Variants in FAH observed in about 807,000 individuals in gnomAD.
FAH encodes fumarylacetoacetate hydrolase.
A neutral mutation model predicts 55.8 loss-of-function variants in FAH; 47 were observed. The observed-to-expected ratio is 0.84, with a 90% CI of 0.67 to 1.07. The LOEUF is 1.07. Ranked by LOEUF, FAH falls within the 50% of genes least tolerant of loss-of-function variation. The pLI, the probability that FAH is intolerant of heterozygous loss-of-function variation, is 0.00. For synonymous variants in FAH, 199 were observed against 207.7 expected (o/e 0.96, Z 0.36); for missense variants, 495 against 545.9 (o/e 0.91, Z 0.93).
chr15:80,168,792 G>C (rs1384891046), intron 7 of FAH, among the ~76,000 whole-genome samples: 2 of 152,118 alleles, frequency 1.3e-5, no homozygotes, highest in Non-Finnish European at 2.9e-5. Flanking sequence ...CTAAAGTGCC[G>C]TCTAGTGTCC....
chr15:80,163,527 T>C (rs959952023), intron 5 of FAH: 3 of 152,010 alleles, frequency 2.0e-5, no homozygotes, highest in Non-Finnish European at 4.4e-5. Context: ...TGAAACCGAG[T>C]GTGGGGGCCG....
In FAH at chr15:80,168,137, A is replaced by C; in HGVS notation, c.541A>C (p.Lys181Gln). 1.2e-6 allele frequency: 2 copies of C among 1,613,988 alleles called. No homozygotes were observed. Among genetic ancestry groups the C allele is most frequent in the Non-Finnish European group, 1.7e-6 (2 of 1,179,972 alleles). ...AATCCGAAGGCCCATGGGACAGATG[A>C]AACCTGATGACTGTGAGTGACCGCA... is the stretch of plus-strand genomic sequence containing the variant. ...TPIRRPMGQM[K>Q]PDDSKPPVYG... Residue 181 changes from lysine (K) to glutamine (Q), a missense_variant, in exon 6 of 14, where the codon AAA (lysine) becomes CAA (glutamine). Transcript: ENST00000561421.
At chr15:80,179,660 T>C (rs2041313089) in intron 11 of FAH, among the ~76,000 whole-genome samples, 1 of 152,088 alleles carries the variant, frequency 6.6e-6, no homozygotes. Context: ...CCAGTGTCCA[T>C]CCCAAGGCCC....
At chr15:80,165,038 G>A (rs1050743224) in intron 5 of FAH, among the ~76,000 whole-genome samples, 7 of 152,064 alleles carry the variant, frequency 4.6e-5, no homozygotes, top group Admixed American at 2.6e-4. Flanking sequence ...AAGTTTTTTG[G>A]GGTAGGTAAT....
In FAH at chr15:80,162,347, G is replaced by T; in HGVS notation, c.455+11G>T. 1 of 1,604,466 alleles carries T rather than the reference G, an allele frequency of 6.2e-7. No individual in the cohort carries two copies. Among genetic ancestry groups the T allele is most frequent in the South Asian group, 1.1e-5 (1 of 90,900 alleles). On this transcript the variant is annotated intron_variant, in intron 5 of 13. Transcript: ENST00000561421. ...GTTGATGCCAAATTGGTATGAACTG[G>T]GCCAAATGTCTGCATAAGTTCAAAG...
chr15:80,157,939 C>T (rs1265010854), intron 1 of FAH, 121 bp from the exon 2 acceptor site: 5 of 764,632 alleles, frequency 6.5e-6, no homozygotes, highest in Non-Finnish European at 1.2e-5. Flanking sequence ...TCAGTCCGCT[C>T]TGCATACAGG....
chr15:80,160,375 T>C, intron 3 of FAH, 35 bp from the exon 4 acceptor site: 2 of 1,612,472 alleles, frequency 1.2e-6, no homozygotes, highest in Non-Finnish European at 1.7e-6. Context: ...CTTTGCTGCC[T>C]ACTTGACTTT....
At chr15:80,176,552 T>G (rs1225984192) in intron 10 of FAH, among the ~76,000 whole-genome samples, 1 of 152,162 alleles carries the variant, frequency 6.6e-6, no homozygotes, top group African/African-American at 2.4e-5. Context: ...CTCTTTCAGG[T>G]TCCAGGTCAG....
intron 1 of FAH, 158 bp from the exon 2 acceptor site, chr15:80,157,902 G>T: frequency 1.5e-6 from 1 of 677,208 alleles, no homozygotes; most frequent in South Asian, 1.6e-5. Flanking sequence ...CAAGGGAGCT[G>T]GGGCAGGATG....
At chr15:80,180,405 C>G (rs2041321248) in intron 12 of FAH, 180 bp downstream of exon 12, 1 of 625,640 alleles carries the variant, frequency 1.6e-6, no homozygotes, top group Non-Finnish European at 2.9e-6. Flanking sequence ...CATCCAAATT[C>G]AAACCTAAAG....
At position 80,175,087 on chromosome 15, in the gene FAH, G is replaced by C. The variant is rs2142103381; in HGVS notation, c.909G>C (p.Leu303=). The C allele has an allele frequency of 6.2e-7, 1 of 1,613,960 alleles. No homozygotes were observed. The highest frequency in any genetic ancestry group is 8.5e-7 in the Non-Finnish European group (1 of 1,179,806). Residue 303 remains leucine (L), a synonymous_variant, in exon 10 of 14, where the codon CTG becomes CTC. Transcript: ENST00000561421. ...YTFDINLSVN[L]KGEGMSQAAT... ...TTGACATCAACCTCTCTGTTAACCT[G>C]AAAGGTATGTTGTAGGGGGACTGAC...
At chr15:80,166,635 C>CTTTTTTTTTT (rs768001652) in intron 5 of FAH, among the ~76,000 whole-genome samples, 1 of 118,340 alleles carries the variant, frequency 8.5e-6, no homozygotes, top group Non-Finnish European at 1.7e-5. Flanking sequence ...TTTGCATTTT[C>CTTTTTTTTTT]TTTTTTTTTT....
chr15:80,180,051 T>G, intron 11 of FAH, 73 bp from the exon 12 acceptor site: 35 of 1,012,740 alleles, frequency 3.5e-5, no homozygotes, highest in Non-Finnish European at 4.6e-5. Flanking sequence ...CAGGGCAGGC[T>G]GTGCCCAGCT....
chr15:80,178,011 G>C (rs939711038), intron 11 of FAH, among the ~76,000 whole-genome samples: 1 of 152,030 alleles, frequency 6.6e-6, no homozygotes, highest in African/African-American at 2.4e-5. Flanking sequence ...ACCAGCCTGG[G>C]CAACATAATG....
chr15:80,181,908 G>A (rs143500109), intron 13 of FAH, among the ~76,000 whole-genome samples: 1 of 152,268 alleles, frequency 6.6e-6, no homozygotes, highest in African/African-American at 2.4e-5. Context: ...AATTGTGTAT[G>A]TGTCAGTTTC....
chr15:80,160,707 A>C (rs1479192139), intron 4 of FAH, among the ~76,000 whole-genome samples: 1 of 152,160 alleles, frequency 6.6e-6, no homozygotes, highest in Admixed American at 6.5e-5. Context: ...GACTAGCCGC[A>C]TGGCTCCCTG....
intron 7 of FAH, 193 bp downstream of exon 7, chr15:80,168,509 T>A: frequency 1.6e-6 from 1 of 628,422 alleles, no homozygotes; most frequent in East Asian, 2.7e-5. Context: ...ATTTGAGAAT[T>A]CACAACTACT....
chr15:80,159,040 C>T (rs1168014357), intron 2 of FAH, among the ~76,000 whole-genome samples: 1 of 151,968 alleles, frequency 6.6e-6, no homozygotes, highest in Non-Finnish European at 1.5e-5. Context: ...GAGTTCGAGA[C>T]CAGCCTGGCC....
At chr15:80,165,160 A>C (rs1284501296) in intron 5 of FAH, among the ~76,000 whole-genome samples, 3 of 152,222 alleles carry the variant, frequency 2.0e-5, no homozygotes, top group African/African-American at 7.2e-5. Context: ...TGGGAGGCTG[A>C]GGTGGGTGGA....
Sources: gnomAD v4.1 joint callset for allele counts (sites outside exome capture counted in the v4.1 genomes callset) on GRCh38, gnomAD v4.1.1 for gene constraint, MANE v1.5 for transcripts, NCBI Gene and HGNC (gene_info 2026-07-23, HGNC 2026-07-21) for gene names.